The following SYPL2 variants were observed in gnomAD, a reference collection of about 807,000 sequenced individuals.
The protein encoded by SYPL2 is synaptophysin-like protein 2.
In SYPL2, 24 loss-of-function variants were observed where a neutral mutation model predicts 31.3. The ratio of observed to expected loss-of-function variants is 0.77; its 90% confidence interval spans 0.56 to 1.08. The LOEUF is 1.08. Ranked by LOEUF, SYPL2 falls within the 50% of genes least tolerant of loss-of-function variation. SYPL2 has a pLI of 0.00. For synonymous variants in SYPL2, 144 were observed against 143.1 expected (o/e 1.01, Z -0.05); for missense variants, 342 against 360.1 (o/e 0.95, Z 0.41).
intron 2 of SYPL2, among the ~76,000 whole-genome samples, chr1:109,473,451 A>T (rs1279017399): frequency 1.3e-5 from 2 of 152,224 alleles, no homozygotes; most frequent in Non-Finnish European, 2.9e-5. Context: ...AGGCGCTGCA[A>T]GCCGGGGGCA....
At position 109,475,956 on chromosome 1, in the gene SYPL2, G is replaced by C. The variant is rs150236132; in HGVS notation, c.254+251G>C. Among the ~76,000 whole-genome samples the C allele has an allele frequency of 1.8e-4, 27 of 152,306 alleles. No homozygotes were observed. The East Asian group carries it at 2.5e-3, about 14-fold the overall frequency. The stretch of plus-strand genomic sequence containing the variant: ...CCAGTCCATGGACAACCCATGGCAG[G>C]TCACACCAGCTCATACAGAAAGAGC... On this transcript the variant is annotated intron_variant, in intron 3 of 5. Transcript: ENST00000369872.
intron 3 of SYPL2, 136 bp from the exon 4 acceptor site, chr1:109,476,640 C>A: frequency 1.2e-6 from 1 of 850,604 alleles, no homozygotes; most frequent in Non-Finnish European, 1.8e-6. Flanking sequence ...AGGTTCCTTC[C>A]AGAAACTTGC....
chr1:109,467,768 G>A (rs1018521794), intron 2 of SYPL2, among the ~76,000 whole-genome samples: 1 of 152,214 alleles, frequency 6.6e-6, no homozygotes, highest in Non-Finnish European at 1.5e-5. Flanking sequence ...ATCACGGCAT[G>A]GCTAAAATGT....
At chr1:109,472,014 A>G (rs1202439927) in intron 2 of SYPL2, among the ~76,000 whole-genome samples, 1 of 151,470 alleles carries the variant, frequency 6.6e-6, no homozygotes, top group Admixed American at 6.6e-5. Context: ...TGAATTTTTT[A>G]TTTAATTTAA....
rs1395163012 is a variant in SYPL2 at position 109,467,147 on chromosome 1, C to T, written c.129+14C>T. 4.6e-6 allele frequency: 7 copies of T among 1,538,088 alleles called. No individual in the cohort carries two copies. In the South Asian group the frequency reaches 7.2e-5, roughly 16 times the overall value. ...GTTCTCCAGTGGGTGAGTCGCTGCCCCGGCCCCGGGCTATTTCGGGAGCCT... is the reference window on the plus strand; with the variant it reads ...GTTCTCCAGTGGGTGAGTCGCTGCCTCGGCCCCGGGCTATTTCGGGAGCCT... On this transcript the variant is annotated intron_variant, in intron 2 of 5. Coordinates refer to ENST00000369872, the MANE Select transcript of SYPL2 (RefSeq NM_001040709.2).
intron 2 of SYPL2, among the ~76,000 whole-genome samples, chr1:109,474,323 CTTTTTTT>C (rs67683974): frequency 1.3e-5 from 1 of 75,436 alleles, no homozygotes; most frequent in Non-Finnish European, 2.8e-5. Flanking sequence ...CTTTTCTTTT[CTTTTTTT>C]TTTTTTTTTT....
rs1156873531 is a variant in SYPL2, at chr1:109,466,917, G to A, written c.54+20G>A. On this transcript the variant is annotated intron_variant, in intron 1 of 5. Coordinates refer to ENST00000369872, the MANE Select transcript of SYPL2 (RefSeq NM_001040709.2). ...CAGCAGGTAGTCCCTGCGCGCCCAG[G>A]ACTCTCACCCGCCCCTCTCCACCTA... 1 of 1,531,220 alleles carries A rather than the reference G, an allele frequency of 6.5e-7. No homozygotes were observed. The highest frequency in any genetic ancestry group is 2.5e-5 in the East Asian group (1 of 40,290). The allele number at this position is 1,531,220 out of a possible 1,614,324, so 94.9% of individuals were successfully genotyped here.
Position 109,479,459 on chromosome 1 carries a change from C to A in SYPL2, c.730C>A (p.Gln244Lys). Residue 244 changes from glutamine (Q) to lysine (K), a missense_variant, in exon 6 of 6, where the codon CAG becomes AAG. Gln to Lys is a moderately conservative substitution (Grantham distance 53, BLOSUM62 1). Coordinates refer to ENST00000369872, the MANE Select transcript of SYPL2 (RefSeq NM_001040709.2). ...GGAGACCCCGTGGCATGGACAGGGC[C>A]AGGGCCAGGACCAGGACCAGGACCA... is the stretch of plus-strand genomic sequence containing the variant. ...FKETPWHGQG[Q>K]GQDQDQDQDQ... The A allele has an allele frequency of 1.2e-6, 2 of 1,614,138 alleles. No homozygotes were observed. The highest frequency in any genetic ancestry group is 1.7e-6 in the Non-Finnish European group (2 of 1,180,002).
In SYPL2 at chr1:109,466,737, C is replaced by A. The variant is rs899468809; in HGVS notation, c.-107C>A. On this transcript the variant is annotated 5_prime_UTR_variant, in exon 1 of 6. Coordinates refer to ENST00000369872, the MANE Select transcript of SYPL2 (RefSeq NM_001040709.2). ...CGGCCGCTCGCGCTCCGGCCCCGCT[C>A]GCCTGCTCTGCCCCGGACCTGCAGC... 1 of 1,257,078 alleles carries A rather than the reference C, an allele frequency of 8.0e-7. No homozygotes were observed. The allele number at this position is 1,257,078 out of a possible 1,614,324, so 77.9% of individuals were successfully genotyped here.
chr1:109,479,456 G>T lies in SYPL2; in HGVS notation c.727G>T (p.Gly243Cys). The T allele has an allele frequency of 6.2e-7, 1 of 1,614,130 alleles. No individual in the cohort carries two copies. Among genetic ancestry groups the T allele is most frequent in the African/African-American group, 1.3e-5 (1 of 75,058 alleles). ...CAAGGAGACCCCGTGGCATGGACAG[G>T]GCCAGGGCCAGGACCAGGACCAGGA... ...VFKETPWHGQ[G>C]QGQDQDQDQD... The change falls in exon 6 of 6, where the codon GGC (glycine) becomes TGC (cysteine). Residue 243 changes from glycine to cysteine, a missense_variant. Coordinates refer to ENST00000369872, the MANE Select transcript of SYPL2 (RefSeq NM_001040709.2).
At chr1:109,477,022 T>C in intron 4 of SYPL2, 45 bp downstream of exon 4, 1 of 1,608,906 alleles carries the variant, frequency 6.2e-7, no homozygotes, top group South Asian at 1.1e-5. Context: ...GAAACAGATG[T>C]TTGTGAGGGG....
chr1:109,476,682 A>G (rs1656005405), intron 3 of SYPL2, 94 bp from the exon 4 acceptor site: 3 of 1,313,462 alleles, frequency 2.3e-6, no homozygotes, highest in East Asian at 5.0e-5. Context: ...TGGCTCTGTA[A>G]GAGTCCCCTG....
rs1364881214 is a variant in SYPL2, at chr1:109,466,905, C to CT, written c.54+9dup. The CT allele has an allele frequency of 1.4e-5, 22 of 1,530,690 alleles. No homozygotes were observed. The highest frequency in any genetic ancestry group is 1.9e-5 in the Non-Finnish European group (22 of 1,144,252). The allele number at this position is 1,530,690 out of a possible 1,614,324, so 94.8% of individuals were successfully genotyped here. A position where few individuals can be genotyped will look rare whatever the true frequency, so the allele number is the denominator to read the frequency against. On this transcript the variant is annotated intron_variant, in intron 1 of 5. Coordinates refer to ENST00000369872, the MANE Select transcript of SYPL2 (RefSeq NM_001040709.2). Reference sequence around the variant, plus strand: ...AAGTCGCCGCGCCAGCAGGTAGTCCCTGCGCGCCCAGGACTCTCACCCGCC... The same window carrying CT: ...AAGTCGCCGCGCCAGCAGGTAGTCCCTTGCGCGCCCAGGACTCTCACCCGCC...
At position 109,479,675 on chromosome 1, in the gene SYPL2, C is replaced by G. The variant is rs145259229; in HGVS notation, c.*127C>G. The G allele has an allele frequency of 4.9e-6, 7 of 1,426,664 alleles. No homozygotes were observed. The African/African-American group carries it at 1.0e-4, about 20-fold the overall frequency. 88.4% of individuals were successfully genotyped at this position (1,426,664 alleles called of 1,614,324 possible). ...TCATTCTGGTCTTTGAGCTTTGAGA[C>G]GATGGGCAGGCATCAGCTGTTGGAA... On this transcript the variant is annotated 3_prime_UTR_variant, in exon 6 of 6. Transcript: ENST00000369872.
rs199539003 is a variant in SYPL2 at position 109,475,612 on chromosome 1, G to T, written c.161G>T (p.Gly54Val). ...GCTATTTTCGCCTTCGGGTCCTGTG[G>T]CTCCTACAGCGGGGAGACAGGAGCA... Reference protein sequence around the residue: ...LFAIFAFGSCGSYSGETGAMV... With the variant: ...LFAIFAFGSCVSYSGETGAMV... The change falls in exon 3 of 6, where the codon GGC becomes GTC. Residue 54 changes from glycine (G) to valine (V), a missense_variant. Physicochemically the swap from Gly to Val is moderately radical, Grantham distance 109. Coordinates refer to ENST00000369872, the MANE Select transcript of SYPL2 (RefSeq NM_001040709.2). 3.4e-5 allele frequency: 55 copies of T among 1,614,098 alleles called. No homozygotes were observed. The Admixed American group carries it at 4.2e-4, about 12-fold the overall frequency.
rs1473145479 is a variant in SYPL2 at position 109,478,177 on chromosome 1, C to T, written c.648+168C>T. The stretch of plus-strand genomic sequence containing the variant: ...GCTGGCTGCTGGCTCCTGGCTGACC[C>T]TGAGAGGACATTTTGGGATGAGGGG... On this transcript the variant is annotated intron_variant, in intron 5 of 5. Transcript: ENST00000369872. The surrounding 1 kb of genome is among the most constrained non-coding windows in gnomAD (Gnocchi z 4.0). 10 of 1,412,530 alleles carry T rather than the reference C, an allele frequency of 7.1e-6. No homozygotes were observed. Among genetic ancestry groups the T allele is most frequent in the Admixed American group, 2.9e-5 (1 of 34,924 alleles). 87.5% of individuals were successfully genotyped at this position (1,412,530 alleles called of 1,614,324 possible).
rs1656058302 is a variant in SYPL2 at position 109,478,137 on chromosome 1, C to T, written c.648+128C>T. Reference sequence around the variant, plus strand: ...GTCCCCTGCACCTGGAGCTGGTGCCCTCACTGCGCTTCATGCTGGCTGCTG... The same window carrying T: ...GTCCCCTGCACCTGGAGCTGGTGCCTTCACTGCGCTTCATGCTGGCTGCTG... On this transcript the variant is annotated intron_variant, in intron 5 of 5. Coordinates refer to ENST00000369872, the MANE Select transcript of SYPL2 (RefSeq NM_001040709.2). The surrounding 1 kb of genome is among the most constrained non-coding windows in gnomAD (Gnocchi z 4.0). The T allele has an allele frequency of 2.7e-6, 4 of 1,455,900 alleles. No homozygotes were observed. The South Asian group carries it at 4.2e-5, about 15-fold the overall frequency. The allele number at this position is 1,455,900 out of a possible 1,614,324, so 90.2% of individuals were successfully genotyped here.
chr1:109,469,205 A>G (rs1156353866), intron 2 of SYPL2, among the ~76,000 whole-genome samples: 2 of 152,224 alleles, frequency 1.3e-5, no homozygotes, highest in Non-Finnish European at 2.9e-5. Flanking sequence ...GAGGGATCAA[A>G]TGCTCCTGAT....
chr1:109,479,040 C>A (rs1485624076), intron 5 of SYPL2, among the ~76,000 whole-genome samples: 1 of 152,234 alleles, frequency 6.6e-6, no homozygotes, highest in Non-Finnish European at 1.5e-5. Context: ...CCGAACAGGG[C>A]CTCACGCGTG....
Sources: gnomAD v4.1 joint callset for allele counts (sites outside exome capture counted in the v4.1 genomes callset) on GRCh38, gnomAD v4.1.1 for gene constraint, Gnocchi (gnomAD v3.1) non-coding constraint, MANE v1.5 for transcripts, NCBI Gene and HGNC (gene_info 2026-07-23, HGNC 2026-07-21) for gene names.